Variants in SGCZ observed in about 807,000 individuals in gnomAD.
The protein encoded by SGCZ is zeta-sarcoglycan.
A neutral mutation model predicts 41.3 loss-of-function variants in SGCZ; 40 were observed. That is an observed-to-expected ratio of 0.97 (90% confidence interval 0.75 to 1.26). The LOEUF (loss-of-function observed/expected upper bound fraction) is 1.26, where lower values mean the gene tolerates loss of function less well. SGCZ is among the 50% of genes most tolerant of loss of function. The pLI, the probability that SGCZ is intolerant of heterozygous loss-of-function variation, is 0.00. For missense variants in SGCZ, 552 were observed against 369.8 expected (o/e 1.49, Z -4.04); for synonymous variants, 206 against 137.5 (o/e 1.50, Z -3.49).
chr8:15,139,201 T>A (rs189551882), intron 1 of SGCZ, among the ~76,000 whole-genome samples: 1 of 152,232 alleles, frequency 6.6e-6, no homozygotes, highest in Non-Finnish European at 1.5e-5. Context: ...CAAATTTCCC[T>A]AATACAATTC....
chr8:14,753,994 T>TG (rs1468159417), intron 1 of SGCZ, among the ~76,000 whole-genome samples: 1 of 152,206 alleles, frequency 6.6e-6, no homozygotes, highest in African/African-American at 2.4e-5. Context: ...CTTTACCTAC[T>TG]GTTTCAATTC....
chr8:14,142,895 C>T (rs1585173932), intron 5 of SGCZ, among the ~76,000 whole-genome samples: 1 of 152,004 alleles, frequency 6.6e-6, no homozygotes, highest in Non-Finnish European at 1.5e-5. Flanking sequence ...TGTGCCTTCT[C>T]CCATGATCAT....
intron 2 of SGCZ, among the ~76,000 whole-genome samples, chr8:14,486,094 T>A (rs1377745947): frequency 1.3e-5 from 2 of 152,124 alleles, no homozygotes; most frequent in Non-Finnish European, 2.9e-5. Flanking sequence ...TAATAAATAT[T>A]TCAAAAAATA....
At chr8:14,956,295 C>T (rs1009291892) in intron 1 of SGCZ, among the ~76,000 whole-genome samples, 1 of 152,034 alleles carries the variant, frequency 6.6e-6, no homozygotes, top group Non-Finnish European at 1.5e-5. Flanking sequence ...GCTTCAGCCT[C>T]CCAAACTGCT....
intron 1 of SGCZ, among the ~76,000 whole-genome samples, chr8:14,701,506 A>G (rs1375451156): frequency 6.6e-6 from 1 of 151,934 alleles, no homozygotes; most frequent in Non-Finnish European, 1.5e-5. Flanking sequence ...GATGTAGACG[A>G]ATGAAAACAA....
At chr8:14,808,895 C>T (rs1383767743) in intron 1 of SGCZ, among the ~76,000 whole-genome samples, 1 of 151,490 alleles carries the variant, frequency 6.6e-6, no homozygotes, top group Non-Finnish European at 1.5e-5. Flanking sequence ...GAATACTATG[C>T]AGCCATAAAA....
intron 1 of SGCZ, among the ~76,000 whole-genome samples, chr8:14,938,351 T>G (rs1800153002): frequency 6.6e-6 from 1 of 152,142 alleles, no homozygotes; most frequent in Admixed American, 6.6e-5. Context: ...CCTCTGCCGC[T>G]CCTGAGATGG....
At chr8:14,301,229 T>C (rs928164961) in intron 3 of SGCZ, among the ~76,000 whole-genome samples, 5 of 152,050 alleles carry the variant, frequency 3.3e-5, no homozygotes, top group Non-Finnish European at 7.4e-5. Flanking sequence ...CCCCAATGTA[T>C]GTATTATTTA....
chr8:14,428,079 G>GA (rs1213196259), intron 2 of SGCZ, among the ~76,000 whole-genome samples: 1 of 150,832 alleles, frequency 6.6e-6, no homozygotes, highest in East Asian at 2.0e-4. Flanking sequence ...AAACCCCGCA[G>GA]ATACTGAAGA....
intron 1 of SGCZ, among the ~76,000 whole-genome samples, chr8:15,084,174 G>C (rs1269027360): frequency 1.3e-5 from 2 of 152,242 alleles, no homozygotes; most frequent in Non-Finnish European, 2.9e-5. Context: ...GCATATGTCT[G>C]TTAATGTTCT....
intron 2 of SGCZ, among the ~76,000 whole-genome samples, chr8:14,345,278 A>G (rs190892901): frequency 3.3e-5 from 5 of 152,284 alleles, no homozygotes; most frequent in Non-Finnish European, 7.4e-5. Context: ...GGCACTATCA[A>G]GAACTGCTAA....
At chr8:14,896,763 C>T (rs1201456748) in intron 1 of SGCZ, among the ~76,000 whole-genome samples, 1 of 152,034 alleles carries the variant, frequency 6.6e-6, no homozygotes, top group East Asian at 1.9e-4. Context: ...AGGCGTGGGC[C>T]ACCACACCTG....
chr8:14,549,293 G>A (rs944209532), intron 2 of SGCZ, among the ~76,000 whole-genome samples: 3 of 152,008 alleles, frequency 2.0e-5, no homozygotes, highest in East Asian at 1.9e-4. Context: ...TTTCGGATTC[G>A]GACAGAAATT....
chr8:14,483,385 T>A (rs1801586854), intron 2 of SGCZ, among the ~76,000 whole-genome samples: 1 of 152,098 alleles, frequency 6.6e-6, no homozygotes, highest in Non-Finnish European at 1.5e-5. Flanking sequence ...GCCTGAGCAA[T>A]ACAGTGAGAC....
intron 1 of SGCZ, among the ~76,000 whole-genome samples, chr8:15,125,961 T>C (rs897759788): frequency 4.6e-5 from 7 of 151,994 alleles, no homozygotes; most frequent in Non-Finnish European, 1.0e-4. Context: ...GCCTGACCAA[T>C]ATGGTGAAAC....
chr8:14,806,636 G>A (rs1052923807), intron 1 of SGCZ, among the ~76,000 whole-genome samples: 24 of 151,966 alleles, frequency 1.6e-4, no homozygotes, highest in African/African-American at 5.1e-4. Context: ...ATTCACAGCC[G>A]AATTCTACCA....
chr8:15,030,976 T>C (rs1206754023), intron 1 of SGCZ, among the ~76,000 whole-genome samples: 1 of 152,146 alleles, frequency 6.6e-6, no homozygotes, highest in Non-Finnish European at 1.5e-5. Context: ...AGATTATATA[T>C]GTAGACAAGT....
intron 1 of SGCZ, among the ~76,000 whole-genome samples, chr8:14,999,290 T>C (rs1802325840): frequency 1.3e-5 from 2 of 152,182 alleles, no homozygotes; most frequent in South Asian, 4.1e-4. Flanking sequence ...CTAGCAGTTT[T>C]ATTACACATT....
chr8:14,751,099 T>A (rs1241677181), intron 1 of SGCZ, among the ~76,000 whole-genome samples: 1 of 152,238 alleles, frequency 6.6e-6, no homozygotes, highest in East Asian at 1.9e-4. Flanking sequence ...GATTCCAAGA[T>A]ATCTTTCTTA....
Sources: allele counts gnomAD v4.1 joint callset (sites outside exome capture counted in the v4.1 genomes callset), GRCh38; gene constraint gnomAD v4.1.1; transcripts MANE v1.5; gene names NCBI Gene and HGNC (gene_info 2026-07-23, HGNC 2026-07-21).